ATP11C: variants seen among roughly 807,000 people sequenced by gnomAD.
ATP11C encodes the protein ATPase phospholipid transporting 11C (ATP11C blood group), also known as phospholipid-transporting ATPase IG.
ATP11C carries 36 observed loss-of-function variants against 97.4 expected under a neutral mutation model. The ratio of observed to expected loss-of-function variants is 0.37; its 90% CI spans 0.28 to 0.49. ATP11C has a LOEUF of 0.49. Among genes scored for constraint, ATP11C ranks in the 20% least tolerant of loss-of-function variants. ATP11C has a pLI of 0.98. For missense variants in ATP11C, 730 were observed against 824.6 expected, an observed-to-expected ratio of 0.89 and a Z score of 1.40; for synonymous variants, 275 against 290.9, an observed-to-expected ratio of 0.95 and a Z score of 0.56.
At chrX:139,851,348 T>A (rs1434121344) in intron 1 of ATP11C, among the ~76,000 whole-genome samples, 1 of 112,107 alleles carries the variant, frequency 8.9e-6, no homozygotes, top group Non-Finnish European at 1.9e-5. Context: ...ATTCTGCAGG[T>A]GTGCAGAATA....
At position 139,906,500 on chromosome X, in the gene ATP11C, T is replaced by C. The variant is rs780447146; in HGVS notation, c.27+25516A>G. On this transcript the variant is annotated intron_variant, in intron 1 of 29. Coordinates refer to ENST00000682941, the MANE Select transcript of ATP11C (RefSeq NM_001353812.2). The stretch of plus-strand genomic sequence containing the variant: ...GCATAACTCATTAATTTAACATTCA[T>C]TGGCCGGGCATGGTGGCTCACAGCC... Among the ~76,000 whole-genome samples, 215 of 109,491 alleles carry C rather than the reference T, an allele frequency of 2.0e-3. 1 individual carries two copies. Among genetic ancestry groups the C allele is most frequent in the African/African-American group, 6.9e-3 (208 of 30,096 alleles).
chrX:139,907,227 C>T (rs1210176451), intron 1 of ATP11C, among the ~76,000 whole-genome samples: 1 of 111,699 alleles, frequency 9.0e-6, no homozygotes, highest in African/African-American at 3.3e-5. Context: ...CCTCACTTTC[C>T]AACCAGAAAC....
At chrX:139,873,155 A>G (rs2084404926) in intron 1 of ATP11C, among the ~76,000 whole-genome samples, 1 of 112,495 alleles carries the variant, frequency 8.9e-6, no homozygotes, top group South Asian at 3.7e-4. Context: ...AAATTTTTTT[A>G]TCTAAAAAAT....
intron 1 of ATP11C, among the ~76,000 whole-genome samples, chrX:139,834,519 A>G (rs901407994): frequency 8.0e-5 from 9 of 111,908 alleles, no homozygotes; most frequent in African/African-American, 2.9e-4. Flanking sequence ...TGATGATCTG[A>G]TTGTAATTAT....
chrX:139,914,421 T>C (rs2085124353), intron 1 of ATP11C, among the ~76,000 whole-genome samples: 1 of 112,599 alleles, frequency 8.9e-6, no homozygotes, highest in Non-Finnish European at 1.9e-5. Context: ...ACACTTTAGA[T>C]TTGTTCATTC....
chrX:139,823,010 A>G (rs751707559), intron 2 of ATP11C, among the ~76,000 whole-genome samples: 1 of 110,233 alleles, frequency 9.1e-6, no homozygotes, highest in South Asian at 4.0e-4. Flanking sequence ...TGCAGTCCGG[A>G]GTTCGAGACC....
chrX:139,786,889 G>C (rs1185646160), intron 15 of ATP11C, among the ~76,000 whole-genome samples: 2 of 112,041 alleles, frequency 1.8e-5, no homozygotes, highest in Admixed American at 9.5e-5. Context: ...GCATGTGTTA[G>C]AGACCTGAAA....
Position 139,798,202 on chromosome X carries a change from G to T in ATP11C, c.857+71C>A, listed in dbSNP as rs1603373493. ...ATTGATGTTGTTTTTTGTTATGCTT[G>T]TTACTTGGAATTACCAAGAAAGTAA... On this transcript the variant is annotated intron_variant, in intron 10 of 29. Coordinates refer to ENST00000682941, the MANE Select transcript of ATP11C (RefSeq NM_001353812.2). 6 of 927,386 alleles carry T rather than the reference G, an allele frequency of 6.5e-6. No individual in the cohort carries two copies. The East Asian group carries it at 1.3e-4, about 20-fold the overall frequency. The allele number at this position is 927,386 out of a possible 1,213,427, so 76.4% of individuals were successfully genotyped here. A position where few individuals can be genotyped will look rare whatever the true frequency, so the allele number is the denominator to read the frequency against.
At chrX:139,850,175 T>C (rs1196805463) in intron 1 of ATP11C, among the ~76,000 whole-genome samples, 1 of 110,974 alleles carries the variant, frequency 9.0e-6, no homozygotes, top group Non-Finnish European at 1.9e-5. Flanking sequence ...GGGTAGGGGC[T>C]GGAAGAACCT....
At chrX:139,752,582 A>C (rs1001727659) in intron 23 of ATP11C, among the ~76,000 whole-genome samples, 3 of 111,968 alleles carry the variant, frequency 2.7e-5, no homozygotes, top group Admixed American at 9.5e-5. Flanking sequence ...CATATTTTAA[A>C]AGGATAATAC....
At chrX:139,763,452 G>A (rs778010827) in intron 20 of ATP11C, 34 bp from the exon 21 acceptor site, 72 of 1,083,605 alleles carry the variant, frequency 6.6e-5, no homozygotes, top group Non-Finnish European at 8.6e-5. Context: ...TGTAAAAAAG[G>A]TCAAAGAAGA....
At chrX:139,732,193 C>T (rs1302174851) in intron 28 of ATP11C, among the ~76,000 whole-genome samples, 1 of 110,918 alleles carries the variant, frequency 9.0e-6, no homozygotes, top group East Asian at 2.8e-4. Flanking sequence ...CACGCCATGG[C>T]CACTGCATAC....
chrX:139,728,142 ATCAAC>A lies in ATP11C; in HGVS notation c.*819_*823del, dbSNP rs2081280650. 8.9e-6 allele frequency: 1 copy of A among 112,027 alleles called. No individual in the cohort carries two copies. The highest frequency in any genetic ancestry group is 9.5e-5 in the Admixed American group (1 of 10,573). 9.2% of individuals were successfully genotyped at this position (112,027 alleles called of 1,213,427 possible). A position where few individuals can be genotyped will look rare whatever the true frequency, so the allele number is the denominator to read the frequency against. ...CCACCTTACTGCAGATCCCAGTAAA[ATCAAC>A]ACTGGAAAAATCTGTTTATTTTCTA... On this transcript the variant is annotated 3_prime_UTR_variant, in exon 30 of 30. Coordinates refer to ENST00000682941, the MANE Select transcript of ATP11C (RefSeq NM_001353812.2).
intron 20 of ATP11C, among the ~76,000 whole-genome samples, chrX:139,765,450 G>C (rs1441009691): frequency 1.8e-5 from 2 of 111,959 alleles, no homozygotes; most frequent in African/African-American, 6.5e-5. Flanking sequence ...AGGAATGTAT[G>C]ATATTGTCAT....
chrX:139,809,944 C>T (rs1225135111), intron 5 of ATP11C, among the ~76,000 whole-genome samples: 1 of 110,687 alleles, frequency 9.0e-6, no homozygotes, highest in Admixed American at 9.6e-5. Flanking sequence ...CCAGCCTGGG[C>T]AACAAGAGCA....
At chrX:139,906,097 C>T (rs1191304316) in intron 1 of ATP11C, among the ~76,000 whole-genome samples, 1 of 111,368 alleles carries the variant, frequency 9.0e-6, no homozygotes, top group African/African-American at 3.3e-5. Context: ...GGGAGCTAAG[C>T]TTTCCATCTA....
At chrX:139,895,882 T>C (rs1204173676) in intron 1 of ATP11C, among the ~76,000 whole-genome samples, 1 of 110,292 alleles carries the variant, frequency 9.1e-6, no homozygotes, top group East Asian at 2.9e-4. Flanking sequence ...AGAGACAAGA[T>C]TTTGCCATGT....
At chrX:139,928,783 C>T (rs1478066581) in intron 1 of ATP11C, among the ~76,000 whole-genome samples, 3 of 111,811 alleles carry the variant, frequency 2.7e-5, no homozygotes, top group Middle Eastern at 9.2e-3. Context: ...TTCACACTCA[C>T]AATTAAGCTT....
rs2083191808 is a variant in ATP11C at position 139,812,275 on chromosome X, A to C, written c.426+2603T>G. 2.7e-5 allele frequency among the ~76,000 whole-genome samples: 3 copies of C among 111,951 alleles called. No homozygotes were observed. In the Admixed American group the frequency reaches 2.8e-4, roughly 11 times the overall value. Reference sequence around the variant, plus strand: ...CAAATAGCATCTCACACAATAATTTAATCACAATAGCTTCACATTTATTTA... The same window carrying C: ...CAAATAGCATCTCACACAATAATTTCATCACAATAGCTTCACATTTATTTA... On this transcript the variant is annotated intron_variant, in intron 5 of 29. Coordinates refer to ENST00000682941, the MANE Select transcript of ATP11C (RefSeq NM_001353812.2).
Sources: gnomAD v4.1 joint callset for allele counts (sites outside exome capture counted in the v4.1 genomes callset) on GRCh38, gnomAD v4.1.1 for gene constraint, MANE v1.5 for transcripts, NCBI Gene and HGNC (gene_info 2026-07-23, HGNC 2026-07-21) for gene names.